The following KAZN variants were observed in gnomAD, a reference collection of about 807,000 sequenced individuals.
KAZN encodes the protein kazrin.
Under a neutral mutation model 87.4 loss-of-function variants are expected in KAZN, and 40 were observed. That is an observed-to-expected ratio of 0.46 (90% CI 0.36 to 0.60). The LOEUF (loss-of-function observed/expected upper bound fraction) is 0.60, where lower values mean the gene tolerates loss of function less well. KAZN is among the 20% of genes least tolerant of loss of function. The pLI is 0.00. For missense variants in KAZN, 898 were observed against 1,073.9 expected (o/e 0.84, Z 2.29); for synonymous variants, 466 against 458.3 (o/e 1.02, Z -0.22).
intron 4 of KAZN, among the ~76,000 whole-genome samples, chr1:15,048,169 T>C (rs773805499): frequency 9.2e-4 from 140 of 152,228 alleles, no homozygotes; most frequent in Admixed American, 1.5e-3. Context: ...GAGCCAACTC[T>C]GGGCCGCCCC....
intron 2 of KAZN, among the ~76,000 whole-genome samples, chr1:14,503,219 C>T (rs1391946792): frequency 1.3e-5 from 2 of 151,666 alleles, no homozygotes; most frequent in Non-Finnish European, 2.9e-5. Context: ...CGTGGTGGCT[C>T]GTGCCTGTAA....
intron 1 of KAZN, among the ~76,000 whole-genome samples, chr1:14,151,796 C>G (rs945776120): frequency 5.3e-5 from 8 of 152,204 alleles, no homozygotes; most frequent in African/African-American, 1.9e-4. Flanking sequence ...CCATTCCTAT[C>G]ACACCAGCTG....
rs1037693554 is a variant in KAZN, at chr1:15,081,187, C to G, written c.1223-12993C>G. On this transcript the variant is annotated intron_variant, in intron 8 of 14. Transcript: ENST00000376030. This position sits in a 1 kb window ranked among gnomAD's most constrained non-coding sequence, Gnocchi z 4.1. ...CTTCTTTTACTCAATACTTAGAGGG[C>G]TCATTCAATTGCAGGCAGTGCTGGG... Among the ~76,000 whole-genome samples the G allele has an allele frequency of 1.3e-5, 2 of 152,182 alleles. No individual in the cohort carries two copies. Among genetic ancestry groups the G allele is most frequent in the South Asian group, 4.1e-4 (2 of 4,826 alleles).
intron 1 of KAZN, among the ~76,000 whole-genome samples, chr1:14,920,492 C>G (rs1289568340): frequency 6.6e-6 from 1 of 151,914 alleles, no homozygotes; most frequent in Non-Finnish European, 1.5e-5. Flanking sequence ...TCCGGACCCC[C>G]AAATCCCCCC....
chr1:15,108,425 A>AT (rs896923197), intron 13 of KAZN, among the ~76,000 whole-genome samples: 4 of 152,140 alleles, frequency 2.6e-5, no homozygotes, highest in Admixed American at 2.0e-4. Context: ...TCATCGTGTG[A>AT]TTTTAGACAA....
intron 2 of KAZN, among the ~76,000 whole-genome samples, chr1:14,510,297 G>A (rs566682098): frequency 6.6e-6 from 1 of 151,700 alleles, no homozygotes; most frequent in South Asian, 2.1e-4. Context: ...AGAATTGCTT[G>A]AACCCAGGGG....
chr1:14,463,194 G>A (rs1419654169), intron 2 of KAZN, among the ~76,000 whole-genome samples: 2 of 152,184 alleles, frequency 1.3e-5, no homozygotes, highest in African/African-American at 4.8e-5. Context: ...GGAAAAAGGT[G>A]GTAGCTTCAG....
chr1:14,407,386 G>A (rs577645789), intron 2 of KAZN, among the ~76,000 whole-genome samples: 13 of 152,344 alleles, frequency 8.5e-5, no homozygotes, highest in African/African-American at 3.1e-4. Flanking sequence ...GCTGGTCATT[G>A]AAAGAAGTCC....
intron 1 of KAZN, among the ~76,000 whole-genome samples, chr1:13,928,846 CTT>C (rs35452839): frequency 7.5e-5 from 11 of 147,094 alleles, no homozygotes; most frequent in African/African-American, 1.5e-4. Flanking sequence ...TTGAAGAAAT[CTT>C]TTTTTTTTTT....
chr1:14,738,886 C>T (rs577632911), intron 1 of KAZN, among the ~76,000 whole-genome samples: 4 of 152,210 alleles, frequency 2.6e-5, no homozygotes, highest in South Asian at 2.1e-4. Context: ...AAACTAGACC[C>T]GTCTGGTCAA....
At chr1:14,602,355 C>T (rs777241944) in intron 1 of KAZN, among the ~76,000 whole-genome samples, 7 of 152,158 alleles carry the variant, frequency 4.6e-5, no homozygotes, top group Non-Finnish European at 7.3e-5. Context: ...TTGGATAATC[C>T]TTAATGAGAA....
chr1:14,398,343 T>C (rs1339141219), intron 2 of KAZN, among the ~76,000 whole-genome samples: 2 of 152,230 alleles, frequency 1.3e-5, no homozygotes, highest in African/African-American at 2.4e-5. Context: ...CCACTTACTA[T>C]CTGTGATTTT....
intron 1 of KAZN, among the ~76,000 whole-genome samples, chr1:14,632,236 A>T (rs1024565179): frequency 1.3e-5 from 2 of 152,210 alleles, no homozygotes; most frequent in Non-Finnish European, 2.9e-5. Context: ...TTATCAGTCA[A>T]AACATGTTTT....
chr1:14,168,412 G>T (rs943384275), intron 1 of KAZN, among the ~76,000 whole-genome samples: 1 of 152,084 alleles, frequency 6.6e-6, no homozygotes, highest in African/African-American at 2.4e-5. Context: ...AGAGGGAGAC[G>T]CTGAATGTGA....
chr1:14,497,229 A>G (rs905676669), intron 2 of KAZN, among the ~76,000 whole-genome samples: 28 of 151,226 alleles, frequency 1.9e-4, no homozygotes, highest in African/African-American at 6.1e-4. Flanking sequence ...AGAGACAGAT[A>G]GGAGAAAGTG....
At chr1:15,112,841 CA>C (rs1641699207) in intron 14 of KAZN, 1 of 266,550 alleles carries the variant, frequency 3.8e-6, no homozygotes, top group Non-Finnish European at 7.3e-6. Context: ...TTCTGGGACC[CA>C]CCTTGGTCTC....
Position 14,342,035 on chromosome 1 carries a change from G to A in KAZN, c.249+161443G>A, listed in dbSNP as rs578171595. On this transcript the variant is annotated intron_variant, in intron 2 of 16. Coordinates refer to the KAZN transcript ENST00000636203. ...TTTGTTGCTCCCAATGCATGTGTCC[G>A]TGCGTTCTCATCATTTAGCTCCCAC... Among the ~76,000 whole-genome samples, 84 of 152,208 alleles carry A rather than the reference G, an allele frequency of 5.5e-4. 1 individual carries two copies. The South Asian group carries it at 8.3e-3, about 15-fold the overall frequency.
chr1:14,761,366 C>T (rs1364961986), intron 1 of KAZN, among the ~76,000 whole-genome samples: 2 of 152,178 alleles, frequency 1.3e-5, no homozygotes, highest in Non-Finnish European at 2.9e-5. Flanking sequence ...TCTCTATCAC[C>T]TCAGTCATTA....
chr1:14,373,198 A>AACATATATATAT (rs1214725416), intron 2 of KAZN, among the ~76,000 whole-genome samples: 2 of 149,166 alleles, frequency 1.3e-5, no homozygotes, highest in South Asian at 4.4e-4. Context: ...TGAAAAACTG[A>AACATATATATAT]ATATATATAT....
Sources: allele counts gnomAD v4.1 joint callset (sites outside exome capture counted in the v4.1 genomes callset), GRCh38; gene constraint gnomAD v4.1.1; non-coding constraint Gnocchi (gnomAD v3.1); transcripts MANE v1.5; gene names NCBI Gene and HGNC (gene_info 2026-07-23, HGNC 2026-07-21).